Variants in PPP2CB observed in about 807,000 individuals in gnomAD.
The protein encoded by PPP2CB is protein phosphatase 2 catalytic subunit beta.
Under a neutral mutation model 39.1 loss-of-function variants are expected in PPP2CB, and 18 were observed. That is an observed-to-expected ratio of 0.46 (90% CI 0.32 to 0.68). PPP2CB has a LOEUF of 0.68. Among genes scored for constraint, PPP2CB ranks in the 30% least tolerant of loss-of-function variants. The pLI is 0.04. For synonymous variants in PPP2CB, 129 were observed against 133.8 expected (o/e 0.96, Z 0.25); for missense variants, 226 against 396.9 (o/e 0.57, Z 3.66).
At chr8:30,790,165 G>C (rs1200102728) in intron 6 of PPP2CB, among the ~76,000 whole-genome samples, 2 of 151,718 alleles carry the variant, frequency 1.3e-5, no homozygotes, top group African/African-American at 4.8e-5. Flanking sequence ...AATTTTTTTG[G>C]GGGGACATTA....
At chr8:30,810,697 T>C (rs1010941104) in intron 1 of PPP2CB, among the ~76,000 whole-genome samples, 3 of 152,192 alleles carry the variant, frequency 2.0e-5, no homozygotes, top group Non-Finnish European at 4.4e-5. Flanking sequence ...AAGTAAGCAG[T>C]TTGTTTCAGA....
chr8:30,794,455 G>A (rs1188357774), intron 3 of PPP2CB, 174 bp from the exon 4 acceptor site: 1 of 538,302 alleles, frequency 1.9e-6, no homozygotes. Context: ...CCATCCTTGG[G>A]GACCCACCAT....
Position 30,794,179 on chromosome 8 carries a change from A to G in PPP2CB, c.576+13T>C. 6.2e-7 allele frequency: 1 copy of G among 1,611,636 alleles called. No homozygotes were observed. The highest frequency in any genetic ancestry group is 8.5e-7 in the Non-Finnish European group (1 of 1,178,942). Reference sequence around the variant, plus strand: ...TTCTTTTCCTTTCTTCTTCTTTTTTAAATTAAGTTTACCTCATGTGGAACT... The same window carrying G: ...TTCTTTTCCTTTCTTCTTCTTTTTTGAATTAAGTTTACCTCATGTGGAACT... On this transcript the variant is annotated intron_variant, in intron 4 of 6. Transcript: ENST00000221138.
intron 5 of PPP2CB, among the ~76,000 whole-genome samples, chr8:30,792,958 T>C (rs903214683): frequency 1.3e-5 from 2 of 152,200 alleles, no homozygotes; most frequent in African/African-American, 4.8e-5. Context: ...TCTAAACATC[T>C]TGAAGCCACT....
At chr8:30,807,737 A>G (rs1238598140) in intron 1 of PPP2CB, among the ~76,000 whole-genome samples, 3 of 152,234 alleles carry the variant, frequency 2.0e-5, no homozygotes, top group Non-Finnish European at 1.5e-5. Flanking sequence ...GAGCAGTGCC[A>G]GCCTGGCTCT....
chr8:30,801,527 C>CA (rs1806627265), intron 1 of PPP2CB, among the ~76,000 whole-genome samples: 1 of 138,120 alleles, frequency 7.2e-6, no homozygotes, highest in Non-Finnish European at 1.5e-5. Flanking sequence ...GAGCAAAACT[C>CA]AGTCACAGAA....
intron 1 of PPP2CB, among the ~76,000 whole-genome samples, chr8:30,808,786 G>C (rs1806768690): frequency 6.6e-6 from 1 of 152,136 alleles, no homozygotes; most frequent in Non-Finnish European, 1.5e-5. Flanking sequence ...ATTTACCAAA[G>C]AAAAGGCATA....
rs115355084 is a variant in PPP2CB at position 30,804,672 on chromosome 8, C to G, written c.103-4917G>C. Among the ~76,000 whole-genome samples the G allele has an allele frequency of 7.5e-3, 1,149 of 152,242 alleles. 15 individuals carry two copies. The highest frequency in any genetic ancestry group is 0.026 in the African/African-American group (1,098 of 41,536). Reference sequence around the variant, plus strand: ...CTGAACTAGTATATTGGTGCCAAAACTGAGGCAGTCCTGGGCAGTGTTCCC... The same window carrying G: ...CTGAACTAGTATATTGGTGCCAAAAGTGAGGCAGTCCTGGGCAGTGTTCCC... On this transcript the variant is annotated intron_variant, in intron 1 of 6. Coordinates refer to ENST00000221138, the MANE Select transcript of PPP2CB (RefSeq NM_001009552.2).
At chr8:30,805,039 G>T (rs993064564) in intron 1 of PPP2CB, among the ~76,000 whole-genome samples, 1 of 152,086 alleles carries the variant, frequency 6.6e-6, no homozygotes, top group Non-Finnish European at 1.5e-5. Context: ...CTGGTACATA[G>T]TGGTTCAACT....
intron 1 of PPP2CB, among the ~76,000 whole-genome samples, chr8:30,801,357 C>A (rs945431658): frequency 6.6e-6 from 1 of 151,782 alleles, no homozygotes; most frequent in Non-Finnish European, 1.5e-5. Context: ...ACAGTGAAAC[C>A]CCATCTCTAC....
intron 1 of PPP2CB, among the ~76,000 whole-genome samples, chr8:30,806,837 A>G (rs1436569327): frequency 6.6e-6 from 1 of 152,228 alleles, no homozygotes; most frequent in Non-Finnish European, 1.5e-5. Context: ...CATTGCAAAT[A>G]TCTTCACTTT....
At position 30,803,809 on chromosome 8, in the gene PPP2CB, A is replaced by G. The variant is rs546421905; in HGVS notation, c.103-4054T>C. ...GGAGAATTTATACAACCAAGAAAAGACAAAATACAATTTTTTTTTTTTTTT... is the reference window on the plus strand; with the variant it reads ...GGAGAATTTATACAACCAAGAAAAGGCAAAATACAATTTTTTTTTTTTTTT... On this transcript the variant is annotated intron_variant, in intron 1 of 6. Coordinates refer to ENST00000221138, the MANE Select transcript of PPP2CB (RefSeq NM_001009552.2). 2.0e-5 allele frequency among the ~76,000 whole-genome samples: 3 copies of G among 151,678 alleles called. No homozygotes were observed. The East Asian group carries it at 5.8e-4, about 29-fold the overall frequency.
chr8:30,800,745 C>A (rs967003478), intron 1 of PPP2CB, among the ~76,000 whole-genome samples: 1 of 152,164 alleles, frequency 6.6e-6, no homozygotes, highest in Non-Finnish European at 1.5e-5. Context: ...GACTCTCAGG[C>A]CTTATTCTGG....
At chr8:30,810,483 TG>T (rs1361012430) in intron 1 of PPP2CB, among the ~76,000 whole-genome samples, 3 of 152,122 alleles carry the variant, frequency 2.0e-5, no homozygotes, top group African/African-American at 7.2e-5. Context: ...AGGAAGTCAA[TG>T]GGAAAAACTG....
At chr8:30,793,152 T>C (rs1806465311) in intron 5 of PPP2CB, 1 of 152,342 alleles carries the variant, frequency 6.6e-6, no homozygotes. Flanking sequence ...ACACACCATC[T>C]TTCTATGTCA....
intron 3 of PPP2CB, among the ~76,000 whole-genome samples, chr8:30,794,723 CT>C (rs1330039094): frequency 6.6e-6 from 1 of 152,154 alleles, no homozygotes; most frequent in East Asian, 1.9e-4. Flanking sequence ...CTGCCTCAGC[CT>C]CCTGGGAAGC....
intron 1 of PPP2CB, among the ~76,000 whole-genome samples, chr8:30,809,207 C>T (rs942380867): frequency 2.0e-5 from 3 of 151,926 alleles, no homozygotes; most frequent in African/African-American, 7.3e-5. Flanking sequence ...AGCCACTGTG[C>T]CCGGCCAATG....
intron 3 of PPP2CB, chr8:30,794,588 C>T: frequency 3.5e-6 from 1 of 285,190 alleles, no homozygotes; most frequent in Non-Finnish European, 6.6e-6. Flanking sequence ...TCCCCACTTC[C>T]CTCCTTTCTT....
intron 3 of PPP2CB, among the ~76,000 whole-genome samples, chr8:30,797,349 T>G (rs560766940): frequency 6.6e-6 from 1 of 152,330 alleles, no homozygotes; most frequent in East Asian, 1.9e-4. Flanking sequence ...AGCATATTCT[T>G]TGGTTAAAAG....
Sources: gnomAD v4.1 joint callset for allele counts (sites outside exome capture counted in the v4.1 genomes callset) on GRCh38, gnomAD v4.1.1 for gene constraint, MANE v1.5 for transcripts, NCBI Gene and HGNC (gene_info 2026-07-23, HGNC 2026-07-21) for gene names.